DMTN: variants seen among roughly 807,000 people sequenced by gnomAD.
DMTN encodes the protein dematin.
In DMTN, 27 loss-of-function variants were observed where a neutral mutation model predicts 59.4. That is an observed-to-expected ratio of 0.45 (90% CI 0.33 to 0.63). The LOEUF (loss-of-function observed/expected upper bound fraction) is 0.63, where lower values mean the gene tolerates loss of function less well. Ranked by LOEUF, DMTN falls within the 20% of genes least tolerant of loss-of-function variation. The probability of loss-of-function intolerance (pLI) is 0.02; values close to 1 mark genes in which losing one functional copy is unlikely to be tolerated. For missense variants in DMTN, 451 were observed against 528.9 expected, an observed-to-expected ratio of 0.85 and a Z score of 1.45; for synonymous variants, 221 against 203.7, an observed-to-expected ratio of 1.08 and a Z score of -0.72.
At chr8:22,080,060 T>G in intron 10 of DMTN, 120 bp from the exon 11 acceptor site, 1 of 1,113,044 alleles carries the variant, frequency 9.0e-7, no homozygotes, top group Non-Finnish European at 1.3e-6. Context: ...CCCACCAGGT[T>G]CCCCCCAGCG....
chr8:22,080,940 T>C, intron 14 of DMTN, 70 bp downstream of exon 14: 1 of 1,514,060 alleles, frequency 6.6e-7, no homozygotes, highest in Non-Finnish European at 8.9e-7. Context: ...AAGTGGAATG[T>C]GCTGCGGGGT....
chr8:22,063,172 C>G (rs1807905041), intron 1 of DMTN, among the ~76,000 whole-genome samples: 1 of 152,204 alleles, frequency 6.6e-6, no homozygotes, highest in African/African-American at 2.4e-5. Flanking sequence ...TTCCTCCTTT[C>G]CCCTTCTCCC....
At chr8:22,050,915 A>G (rs113809279), upstream of DMTN, among the ~76,000 whole-genome samples, 20,081 of 152,152 alleles carry the variant, frequency 0.13, 1,396 homozygotes, top group South Asian at 0.16. Context: ...TTCCCCCTGA[A>G]CTGGTGGTGA....
intron 8 of DMTN, 75 bp downstream of exon 8, chr8:22,070,409 T>C (rs749087913): frequency 2.0e-6 from 3 of 1,504,942 alleles, no homozygotes; most frequent in African/African-American, 2.8e-5. Context: ...CTTGCTGCAG[T>C]CCGTGAACCC....
chr8:22,065,380 T>A (rs1809728734), intron 1 of DMTN, among the ~76,000 whole-genome samples: 1 of 152,186 alleles, frequency 6.6e-6, no homozygotes, highest in Non-Finnish European at 1.5e-5. Context: ...ATCAAGTGCT[T>A]AGCTACATTG....
At chr8:22,056,011 G>C (rs186895843), upstream of DMTN, among the ~76,000 whole-genome samples, 365 of 152,340 alleles carry the variant, frequency 2.4e-3, 1 homozygote, top group African/African-American at 8.5e-3. Context: ...CGAGGGTCGA[G>C]GGCAAGGCTT....
At chr8:22,054,103 T>TACACACACACACACACACAGAC (rs59308901), upstream of DMTN, among the ~76,000 whole-genome samples, 6 of 148,344 alleles carry the variant, frequency 4.0e-5, no homozygotes, top group African/African-American at 1.5e-4. Context: ...CCACCACCAA[T>TACACACACACACACACACAGAC]ACACACACAC....
rs1166124840 is a variant in DMTN, at chr8:22,072,201, TA to T, written c.605-118del. On this transcript the variant is annotated intron_variant, in intron 8 of 15. Transcript: ENST00000358242. ...CATCTACCGACCCTACTTTATTTTTTAAAAAAATTTTGTAGTGGCCTTATCA... is the reference window on the plus strand; with the variant it reads ...CATCTACCGACCCTACTTTATTTTTTAAAAAATTTTGTAGTGGCCTTATCA... 5.4e-6 allele frequency: 7 copies of T among 1,299,088 alleles called. No individual in the cohort carries two copies. The Admixed American group carries it at 9.2e-5, about 17-fold the overall frequency. 80.5% of individuals were successfully genotyped at this position (1,299,088 alleles called of 1,614,324 possible).
intron 10 of DMTN, among the ~76,000 whole-genome samples, chr8:22,079,277 A>ATATAT (rs1238511445): frequency 3.6e-5 from 1 of 27,682 alleles, no homozygotes; most frequent in African/African-American, 1.2e-4. Flanking sequence ...TAAATAAATA[A>ATATAT]ATATATATAT....
chr8:22,064,391 G>A (rs1291809261), intron 1 of DMTN, among the ~76,000 whole-genome samples: 13 of 152,182 alleles, frequency 8.5e-5, no homozygotes, highest in Admixed American at 5.2e-4. Context: ...CTGAGAAGGC[G>A]AGAGGAGTAT....
chr8:22,064,103 T>A (rs1220296228), intron 1 of DMTN, among the ~76,000 whole-genome samples: 1 of 151,952 alleles, frequency 6.6e-6, no homozygotes, highest in African/African-American at 2.4e-5. Context: ...GATGGATGGA[T>A]GGAGAGATGG....
intron 8 of DMTN, among the ~76,000 whole-genome samples, chr8:22,070,825 C>T (rs574400310): frequency 2.0e-5 from 3 of 152,160 alleles, no homozygotes; most frequent in South Asian, 2.1e-4. Context: ...TCACCACCCC[C>T]CACACCCTTC....
intron 6 of DMTN, 92 bp downstream of exon 6, chr8:22,069,610 T>G: frequency 8.7e-7 from 1 of 1,151,770 alleles, no homozygotes; most frequent in Non-Finnish European, 1.2e-6. Flanking sequence ...CTCTCTGGGG[T>G]ATATGCTCGC....
At chr8:22,079,302 T>TATATATATATATATATATA (rs1491109949) in intron 10 of DMTN, among the ~76,000 whole-genome samples, 17 of 15,534 alleles carry the variant, frequency 1.1e-3, no homozygotes, top group African/African-American at 2.1e-3. Flanking sequence ...ATATATATAT[T>TATATATATATATATATATA]AGCTGGGTTT....
At chr8:22,079,624 G>T (rs1822795321) in intron 10 of DMTN, among the ~76,000 whole-genome samples, 1 of 151,730 alleles carries the variant, frequency 6.6e-6, no homozygotes, top group East Asian at 1.9e-4. Flanking sequence ...TTTTGGCCGG[G>T]CACGGTGTAT....
upstream of DMTN, among the ~76,000 whole-genome samples, chr8:22,050,949 A>G (rs781220348): frequency 7.2e-5 from 11 of 152,220 alleles, no homozygotes; most frequent in Non-Finnish European, 1.2e-4. Flanking sequence ...AAAAGGAAGA[A>G]GCCACAAGAA....
rs1824770981 is a variant in DMTN at position 22,082,467 on chromosome 8, G to A, written c.*1004G>A. On this transcript the variant is annotated 3_prime_UTR_variant, in exon 16 of 16. Transcript: ENST00000358242. ...CCTGACATCCCTTTCCACTGTGTGTGTGACCATGCTGGGGGAGGGGGACTC... is the reference window on the plus strand; with the variant it reads ...CCTGACATCCCTTTCCACTGTGTGTATGACCATGCTGGGGGAGGGGGACTC... The A allele has an allele frequency of 3.1e-6, 1 of 320,942 alleles. No homozygotes were observed. Among genetic ancestry groups the A allele is most frequent in the Non-Finnish European group, 6.2e-6 (1 of 161,536 alleles). 19.9% of individuals were successfully genotyped at this position (320,942 alleles called of 1,614,324 possible). A position where few individuals can be genotyped will look rare whatever the true frequency, so the allele number is the denominator to read the frequency against.
chr8:22,064,539 AG>A (rs940039833), intron 1 of DMTN, among the ~76,000 whole-genome samples: 1 of 152,112 alleles, frequency 6.6e-6, no homozygotes, highest in Admixed American at 6.5e-5. Flanking sequence ...GCTCACTGCA[AG>A]CTCCGCCTCC....
intron 10 of DMTN, among the ~76,000 whole-genome samples, chr8:22,079,254 A>G (rs1822104933): frequency 1.9e-5 from 1 of 53,554 alleles, no homozygotes; most frequent in African/African-American, 8.0e-5. Flanking sequence ...TACAAAAAAT[A>G]AAAATAAATA....
Sources: gnomAD v4.1 joint callset for allele counts (sites outside exome capture counted in the v4.1 genomes callset) on GRCh38, gnomAD v4.1.1 for gene constraint, MANE v1.5 for transcripts, NCBI Gene and HGNC (gene_info 2026-07-23, HGNC 2026-07-21) for gene names.